Variants in TTLL9 observed in about 807,000 individuals in gnomAD.
TTLL9 encodes probable tubulin polyglutamylase TTLL9.
TTLL9 carries 47 observed loss-of-function variants against 65.6 expected under a neutral mutation model. That is an observed-to-expected ratio of 0.72 (90% confidence interval 0.57 to 0.91). TTLL9 has a LOEUF of 0.91. Among genes scored for constraint, TTLL9 ranks in the 40% least tolerant of loss-of-function variants. The probability of loss-of-function intolerance (pLI) is 0.00; values close to 1 mark genes in which losing one functional copy is unlikely to be tolerated. For synonymous variants in TTLL9, 179 were observed against 204.8 expected (o/e 0.87, Z 1.07); for missense variants, 537 against 568.8 (o/e 0.94, Z 0.57).
At chr20:31,900,330 C>T (rs1055394238) in intron 4 of TTLL9, among the ~76,000 whole-genome samples, 1 of 152,128 alleles carries the variant, frequency 6.6e-6, no homozygotes, top group Non-Finnish European at 1.5e-5. Context: ...AAACTGGGCA[C>T]AAAGTAGTGA....
At chr20:31,880,881 G>T (rs1195884078) in intron 2 of TTLL9, among the ~76,000 whole-genome samples, 2 of 136,784 alleles carry the variant, frequency 1.5e-5, no homozygotes, top group Non-Finnish European at 3.1e-5. Flanking sequence ...TTGAGACAAG[G>T]TCTTACTTGG....
chr20:31,906,626 G>A lies in TTLL9; in HGVS notation c.207-1965G>A, dbSNP rs150244812. Among the ~76,000 whole-genome samples the A allele has an allele frequency of 4.1e-3, 626 of 152,210 alleles. 3 individuals carry two copies. Among genetic ancestry groups the A allele is most frequent in the Middle Eastern group, 0.01 (3 of 294 alleles). ...GTCTATATTAGAGAAAAGGGGTGGG[G>A]AGAAAGGGAGACAAACCAAACACCT... On this transcript the variant is annotated intron_variant, in intron 4 of 14. Transcript: ENST00000535842.
chr20:31,925,192 G>T lies in TTLL9; in HGVS notation c.705+143G>T. 4 of 820,420 alleles carry T rather than the reference G, an allele frequency of 4.9e-6. No homozygotes were observed. The South Asian group carries it at 6.8e-5, about 14-fold the overall frequency. 50.8% of individuals were successfully genotyped at this position (820,420 alleles called of 1,614,324 possible). On this transcript the variant is annotated intron_variant, in intron 9 of 14. Coordinates refer to ENST00000535842, the MANE Select transcript of TTLL9 (RefSeq NM_001008409.5). ...CTGGGAGATCCCCGAGGGACATCTAGGGATAGGGTGGGGGCAGGGAGACTT... is the reference window on the plus strand; with the variant it reads ...CTGGGAGATCCCCGAGGGACATCTATGGATAGGGTGGGGGCAGGGAGACTT...
chr20:31,898,410 C>T (rs1219872492), intron 3 of TTLL9, 63 bp from the exon 4 acceptor site: 11 of 1,448,990 alleles, frequency 7.6e-6, no homozygotes, highest in Middle Eastern at 1.8e-4. Context: ...CTTTTTTCCT[C>T]TCCTTGCGCC....
At chr20:31,879,714 T>C (rs751800412) in intron 2 of TTLL9, 9 of 1,161,860 alleles carry the variant, frequency 7.7e-6, no homozygotes, top group African/African-American at 3.1e-5. Context: ...CCCAATAGCC[T>C]CCAGAGGTTC....
At chr20:31,875,163 T>C (rs762453645) in intron 2 of TTLL9, among the ~76,000 whole-genome samples, 9 of 152,300 alleles carry the variant, frequency 5.9e-5, no homozygotes, top group Middle Eastern at 3.4e-3. Context: ...ATGTGGTTTC[T>C]GCCACTGACT....
intron 4 of TTLL9, among the ~76,000 whole-genome samples, chr20:31,902,671 CAT>C (rs2063495438): frequency 6.6e-6 from 1 of 152,100 alleles, no homozygotes; most frequent in African/African-American, 2.4e-5. Flanking sequence ...TTTGAATGGA[CAT>C]ATGTTTTCAC....
Position 31,898,549 on chromosome 20 carries a change from T to G in TTLL9, c.190T>G (p.Trp64Gly). The change falls in exon 4 of 15, where the codon TGG becomes GGG. Residue 64 changes from tryptophan to glycine, a missense_variant. By Grantham distance (184) the Trp-to-Gly change is radical (BLOSUM62 -2). Around this residue, in one of 3 missense-constraint regions of TTLL9, gnomAD observed 320 missense variants for 311.0 expected, o/e 1.03. Coordinates refer to ENST00000535842, the MANE Select transcript of TTLL9 (RefSeq NM_001008409.5). ...GGACGTCCTTCGCCACAGGCCAGGATGGGTGGAAGTGAAGGAGTAAGACCC... is the reference window on the plus strand; with the variant it reads ...GGACGTCCTTCGCCACAGGCCAGGAGGGGTGGAAGTGAAGGAGTAAGACCC... ...LMDVLRHRPG[W>G]VEVKDEGEWD... is the part of the protein sequence containing the mutation. 6.2e-7 allele frequency: 1 copy of G among 1,614,176 alleles called. No individual in the cohort carries two copies.
At chr20:31,892,569 A>G (rs1408530036) in intron 3 of TTLL9, among the ~76,000 whole-genome samples, 1 of 152,214 alleles carries the variant, frequency 6.6e-6, no homozygotes, top group African/African-American at 2.4e-5. Flanking sequence ...CGTCTGGCTT[A>G]TTAGAAAACA....
intron 4 of TTLL9, among the ~76,000 whole-genome samples, chr20:31,904,350 CTTTTTTTTTTTT>C (rs71185374): frequency 9.8e-5 from 8 of 81,766 alleles, no homozygotes; most frequent in African/African-American, 2.4e-4. Flanking sequence ...TTTGATAATT[CTTTTTTTTTTTT>C]TTTTTTTTTT....
At chr20:31,875,615 T>C (rs1387148291) in intron 2 of TTLL9, among the ~76,000 whole-genome samples, 1 of 152,218 alleles carries the variant, frequency 6.6e-6, no homozygotes, top group African/African-American at 2.4e-5. Flanking sequence ...AAGTCTTTAC[T>C]GACTCCTATT....
chr20:31,897,908 C>T (rs972442409), intron 3 of TTLL9, among the ~76,000 whole-genome samples: 6 of 152,222 alleles, frequency 3.9e-5, no homozygotes, highest in South Asian at 2.1e-4. Context: ...GTGCTTTTGT[C>T]GAAGCTTTTG....
chr20:31,944,889 T>C lies in TTLL9; in HGVS notation c.*1868T>C, dbSNP rs907823301. On this transcript the variant is annotated 3_prime_UTR_variant, in exon 15 of 15. Transcript: ENST00000535842. ...TCAAGGCAAGAACCATGTTCATAGG[T>C]TGTATTCTAAATGGAGTGGCGTGCC... is the stretch of plus-strand genomic sequence containing the variant. 1.3e-5 allele frequency: 2 copies of C among 152,202 alleles called. No homozygotes were observed. Among genetic ancestry groups the C allele is most frequent in the African/African-American group, 2.4e-5 (1 of 41,450 alleles). 9.4% of individuals were successfully genotyped at this position (152,202 alleles called of 1,614,324 possible).
At chr20:31,916,533 G>A (rs1181598334) in intron 6 of TTLL9, among the ~76,000 whole-genome samples, 1 of 152,198 alleles carries the variant, frequency 6.6e-6, no homozygotes, top group Non-Finnish European at 1.5e-5. Flanking sequence ...ACAATGGCCT[G>A]AACAATAAAG....
At chr20:31,934,326 A>T (rs1214895464) in intron 11 of TTLL9, 3 of 516,866 alleles carry the variant, frequency 5.8e-6, no homozygotes, top group Middle Eastern at 2.9e-4. Context: ...CCCCAGCTCC[A>T]TCCCACAGTG....
chr20:31,939,176 GA>G lies in TTLL9; in HGVS notation c.1154del (p.Asp385AlafsTer25). ...TGREKRVGGF[D>X]LMWNDGPVSR... The stretch of plus-strand genomic sequence containing the variant: ...AAGGGAGAAGCGAGTCGGGGGCTTT[GA>G]CCTCATGTGGAATGATGGCCCTGTT... On this transcript the variant is annotated frameshift_variant, in exon 14 of 15. Transcript: ENST00000535842. LOFTEE classifies it high-confidence loss of function. The G allele has an allele frequency of 6.2e-7, 1 of 1,608,818 alleles. No individual in the cohort carries two copies. The highest frequency in any genetic ancestry group is 8.5e-7 in the Non-Finnish European group (1 of 1,177,634).
intron 10 of TTLL9, among the ~76,000 whole-genome samples, chr20:31,926,638 G>A: frequency 6.6e-6 from 1 of 152,114 alleles, no homozygotes; most frequent in Non-Finnish European, 1.5e-5. Flanking sequence ...AAAAAAATAG[G>A]GAACATTGAA....
At chr20:31,879,843 C>A (rs943453413) in intron 2 of TTLL9, 1 of 1,549,782 alleles carries the variant, frequency 6.5e-7, no homozygotes, top group African/African-American at 1.4e-5. Context: ...ACGCGAGGCG[C>A]GCGGTGGCGG....
At chr20:31,887,379 T>G in intron 3 of TTLL9, 140 bp downstream of exon 3, 1 of 978,104 alleles carries the variant, frequency 1.0e-6, no homozygotes. Flanking sequence ...AAACCATTAT[T>G]GAGCACTTAC....
Sources: allele counts gnomAD v4.1 joint callset (sites outside exome capture counted in the v4.1 genomes callset), GRCh38; gene constraint gnomAD v4.1.1; regional missense constraint gnomAD v4.1.1; transcripts MANE v1.5; gene names NCBI Gene and HGNC (gene_info 2026-07-23, HGNC 2026-07-21).